The following ARHGAP24 variants were observed in gnomAD, a reference collection of about 807,000 sequenced individuals.
ARHGAP24 encodes the protein Rho GTPase activating protein 24.
A neutral mutation model predicts 76.4 loss-of-function variants in ARHGAP24; 50 were observed. That is an observed-to-expected ratio of 0.65 (90% CI 0.52 to 0.83). The LOEUF (loss-of-function observed/expected upper bound fraction) is 0.83, where lower values mean the gene tolerates loss of function less well. ARHGAP24 is among the 40% of genes least tolerant of loss of function. The probability of loss-of-function intolerance (pLI) is 0.00; values close to 1 mark genes in which losing one functional copy is unlikely to be tolerated. For missense variants in ARHGAP24, 930 were observed against 914.2 expected, an observed-to-expected ratio of 1.02 and a Z score of -0.22; for synonymous variants, 345 against 323.3, an observed-to-expected ratio of 1.07 and a Z score of -0.72.
intron 2 of ARHGAP24, among the ~76,000 whole-genome samples, chr4:85,628,812 C>T (rs929562028): frequency 1.3e-5 from 2 of 152,162 alleles, no homozygotes; most frequent in African/African-American, 4.8e-5. Flanking sequence ...GACACTTCTG[C>T]TCTCTGGTAA....
At chr4:85,894,941 A>C (rs1734057077) in intron 3 of ARHGAP24, among the ~76,000 whole-genome samples, 1 of 109,816 alleles carries the variant, frequency 9.1e-6, no homozygotes, top group African/African-American at 3.7e-5. Flanking sequence ...AGCCTGGGCA[A>C]CAGAATGAGA....
Position 86,000,599 on chromosome 4 carries a change from A to C in ARHGAP24, c.2124A>C (p.Lys708Asn), listed in dbSNP as rs1213691053. The change falls in exon 10 of 10, where the codon AAA (lysine) becomes AAC (asparagine). Residue 708 changes from lysine (K) to asparagine (N), a missense_variant. Coordinates refer to ENST00000395184, the MANE Select transcript of ARHGAP24 (RefSeq NM_001025616.3). ...AAATGCGAAATGCCGAGCGAGCAAA[A>C]GAAGATGCCGAGAAAAGAAATGACA... is the stretch of plus-strand genomic sequence containing the variant. The part of the protein sequence containing the change: ...EIKMRNAERA[K>N]EDAEKRNDML... 1 of 1,613,954 alleles carries C rather than the reference A, an allele frequency of 6.2e-7. No individual in the cohort carries two copies. The highest frequency in any genetic ancestry group is 8.5e-7 in the Non-Finnish European group (1 of 1,179,992).
intron 3 of ARHGAP24, among the ~76,000 whole-genome samples, chr4:85,858,029 A>T (rs1446089646): frequency 6.6e-6 from 1 of 152,166 alleles, no homozygotes; most frequent in Non-Finnish European, 1.5e-5. Context: ...ATTTCTTTTA[A>T]ACTTTTCTTT....
chr4:85,741,115 C>T (rs1243111080), intron 3 of ARHGAP24, among the ~76,000 whole-genome samples: 1 of 152,194 alleles, frequency 6.6e-6, no homozygotes, highest in Non-Finnish European at 1.5e-5. Flanking sequence ...TTCACATAAC[C>T]ATTTTGCTGT....
chr4:85,812,561 A>G (rs1729060750), intron 3 of ARHGAP24, among the ~76,000 whole-genome samples: 1 of 152,106 alleles, frequency 6.6e-6, no homozygotes, highest in African/African-American at 2.4e-5. Flanking sequence ...AACCACTCCC[A>G]GTCTTAACAA....
chr4:85,497,721 G>A (rs1282334385), intron 1 of ARHGAP24, among the ~76,000 whole-genome samples: 1 of 152,154 alleles, frequency 6.6e-6, no homozygotes, highest in African/African-American at 2.4e-5. Context: ...ATGAGAGAAT[G>A]AGGCAGGAGA....
At chr4:85,935,750 C>T (rs1026045847) in intron 4 of ARHGAP24, among the ~76,000 whole-genome samples, 4 of 152,136 alleles carry the variant, frequency 2.6e-5, no homozygotes, top group African/African-American at 7.2e-5. Flanking sequence ...ACTTGCCTGA[C>T]TTGGAACCTA....
At chr4:85,543,097 A>G (rs1244599922) in intron 1 of ARHGAP24, among the ~76,000 whole-genome samples, 1 of 152,202 alleles carries the variant, frequency 6.6e-6, no homozygotes, top group East Asian at 1.9e-4. Flanking sequence ...TTTGGGTTAC[A>G]TGGAATAGAC....
At chr4:85,754,019 C>A (rs1169112568) in intron 3 of ARHGAP24, among the ~76,000 whole-genome samples, 1 of 152,024 alleles carries the variant, frequency 6.6e-6, no homozygotes, top group Non-Finnish European at 1.5e-5. Flanking sequence ...CTTATTTTTT[C>A]TATCTAACTC....
At chr4:85,992,304 A>G in intron 8 of ARHGAP24, 1 of 389,746 alleles carries the variant, frequency 2.6e-6, no homozygotes, top group Admixed American at 4.4e-5. Flanking sequence ...GGCTATGGCC[A>G]TTTATTGTCC....
chr4:85,852,908 C>T (rs1288677371), intron 3 of ARHGAP24, among the ~76,000 whole-genome samples: 1 of 152,222 alleles, frequency 6.6e-6, no homozygotes, highest in African/African-American at 2.4e-5. Flanking sequence ...GAGGTGTCTC[C>T]CTGTTAGGCT....
At chr4:85,758,766 A>C (rs545441803) in intron 3 of ARHGAP24, among the ~76,000 whole-genome samples, 1 of 152,294 alleles carries the variant, frequency 6.6e-6, no homozygotes, top group South Asian at 2.1e-4. Context: ...TCAAATCTTC[A>C]TGCACCACAC....
chr4:85,923,003 A>G lies in ARHGAP24; in HGVS notation c.269-645A>G, dbSNP rs1244481325. ...AAGCTCACCCTTAGGTGCGAGAGCC[A>G]TTGGGGGTGTTGATCTGGCCTTCGT... is the stretch of plus-strand genomic sequence containing the variant. On this transcript the variant is annotated intron_variant, in intron 3 of 9. Transcript: ENST00000395184. Among the ~76,000 whole-genome samples the G allele has an allele frequency of 2.6e-5, 4 of 152,116 alleles. 1 individual carries two copies. In the South Asian group the frequency reaches 8.3e-4, roughly 32 times the overall value.
At chr4:85,967,515 G>A (rs1171144035) in intron 5 of ARHGAP24, among the ~76,000 whole-genome samples, 1 of 152,068 alleles carries the variant, frequency 6.6e-6, no homozygotes, top group Non-Finnish European at 1.5e-5. Flanking sequence ...TAACCAGGAG[G>A]AAACACGATT....
At chr4:85,765,875 C>T (rs1241622749) in intron 3 of ARHGAP24, among the ~76,000 whole-genome samples, 2 of 152,166 alleles carry the variant, frequency 1.3e-5, no homozygotes, top group South Asian at 2.1e-4. Context: ...GGCTGAAAGC[C>T]GAGGAACAAT....
intron 1 of ARHGAP24, among the ~76,000 whole-genome samples, chr4:85,541,142 CTTTTTTTTTTTT>C (rs70948733): frequency 4.0e-5 from 2 of 49,740 alleles, no homozygotes; most frequent in Non-Finnish European, 6.3e-5. Flanking sequence ...CATCCATGAC[CTTTTTTTTTTTT>C]TTTTTTTTTT....
intron 4 of ARHGAP24, among the ~76,000 whole-genome samples, chr4:85,926,631 C>T (rs1348187827): frequency 6.6e-6 from 1 of 152,070 alleles, no homozygotes; most frequent in Non-Finnish European, 1.5e-5. Flanking sequence ...TAGTTTTAAA[C>T]AATAAAGTTA....
intron 1 of ARHGAP24, among the ~76,000 whole-genome samples, chr4:85,570,225 GC>G (rs1727025156): frequency 6.6e-6 from 1 of 151,956 alleles, no homozygotes; most frequent in Non-Finnish European, 1.5e-5. Flanking sequence ...TAGAAATTTG[GC>G]CAATGAGTTG....
chr4:85,703,101 T>C (rs1560593037), intron 2 of ARHGAP24, among the ~76,000 whole-genome samples: 1 of 152,198 alleles, frequency 6.6e-6, no homozygotes, highest in African/African-American at 2.4e-5. Flanking sequence ...TGGGTCATTG[T>C]TGATAAAAAT....
Sources: gnomAD v4.1 joint callset for allele counts (sites outside exome capture counted in the v4.1 genomes callset) on GRCh38, gnomAD v4.1.1 for gene constraint, MANE v1.5 for transcripts, NCBI Gene and HGNC (gene_info 2026-07-23, HGNC 2026-07-21) for gene names.